The following XPNPEP2 variants were observed in gnomAD, a reference collection of about 807,000 sequenced individuals.
XPNPEP2 encodes xaa-Pro aminopeptidase 2.
In XPNPEP2, 64 loss-of-function variants were observed where a neutral mutation model predicts 59.8. The ratio of observed to expected loss-of-function variants is 1.07; its 90% confidence interval spans 0.87 to 1.32. The LOEUF (loss-of-function observed/expected upper bound fraction) is 1.32. Among genes scored for constraint, XPNPEP2 ranks in the 40% most tolerant of loss-of-function variants. The pLI is 0.00. For missense variants in XPNPEP2, 575 were observed against 546.8 expected (o/e 1.05, Z -0.51); for synonymous variants, 235 against 210.0 (o/e 1.12, Z -1.03).
At chrX:129,752,599 C>T (rs373601520) in intron 10 of XPNPEP2, among the ~76,000 whole-genome samples, 35 of 112,197 alleles carry the variant, frequency 3.1e-4, no homozygotes, top group African/African-American at 1.1e-3. Flanking sequence ...TTGGAGTCAG[C>T]CAAACTTGAA....
At chrX:129,762,201 C>T in intron 18 of XPNPEP2, 136 bp downstream of exon 18, 1 of 634,949 alleles carries the variant, frequency 1.6e-6, no homozygotes. Context: ...TCCCCATTCC[C>T]ACCGCTACGC....
intron 8 of XPNPEP2, among the ~76,000 whole-genome samples, chrX:129,751,113 C>CA (rs200860204): frequency 9.2e-5 from 8 of 87,316 alleles, no homozygotes; most frequent in South Asian, 8.0e-4. Flanking sequence ...CACCCCCCCC[C>CA]CCCGGCAAAA....
At chrX:129,755,480 A>G (rs1350740327) in intron 13 of XPNPEP2, 109 bp downstream of exon 13, 2 of 767,877 alleles carry the variant, frequency 2.6e-6, no homozygotes, top group Non-Finnish European at 3.9e-6. Context: ...TCCACGTTGA[A>G]GGTCCGAGGC....
At position 129,762,695 on chromosome X, in the gene XPNPEP2, A is replaced by C. The variant is rs772444447; in HGVS notation, c.1665A>C (p.Glu555Asp). The change falls in exon 19 of 21, where the codon GAA (glutamate) becomes GAC (aspartate). Residue 555 changes from glutamate to aspartate, a missense_variant and splice_region_variant. Transcript: ENST00000371106. The part of the protein sequence containing the change: ...AMAKGMFTSI[E>D]PGYYKDGEFG... Reference sequence around the variant, plus strand: ...CACCAGCATCTCTGTGTCTCCCAGAACCTGGTTACTATAAGGATGGAGAAT... The same window carrying C: ...CACCAGCATCTCTGTGTCTCCCAGACCCTGGTTACTATAAGGATGGAGAAT... The C allele has an allele frequency of 1.7e-6, 2 of 1,211,085 alleles. No homozygotes were observed. The highest frequency in any genetic ancestry group is 2.2e-6 in the Non-Finnish European group (2 of 894,837).
chrX:129,754,685 C>T, intron 12 of XPNPEP2, 104 bp downstream of exon 12: 1 of 775,124 alleles, frequency 1.3e-6, no homozygotes, highest in Non-Finnish European at 1.9e-6. Context: ...GAAGATCCTC[C>T]TCATATGCGT....
chrX:129,747,872 A>G, intron 7 of XPNPEP2, 119 bp downstream of exon 7: 2 of 1,046,186 alleles, frequency 1.9e-6, no homozygotes, highest in Non-Finnish European at 1.3e-6. Flanking sequence ...AAACCTTAGC[A>G]TGCACCTGAG....
At chrX:129,740,768 C>A (rs1374149642) in intron 1 of XPNPEP2, among the ~76,000 whole-genome samples, 1 of 110,146 alleles carries the variant, frequency 9.1e-6, no homozygotes, top group Non-Finnish European at 1.9e-5. Context: ...AGTGAAACCC[C>A]CATCTCTACT....
chrX:129,754,410 G>C, intron 11 of XPNPEP2, 62 bp from the exon 12 acceptor site: 1 of 1,035,001 alleles, frequency 9.7e-7, no homozygotes. Context: ...CATCATCTTG[G>C]AGCCTGTGGC....
intron 19 of XPNPEP2, among the ~76,000 whole-genome samples, chrX:129,766,398 G>A (rs921581495): frequency 9.0e-6 from 1 of 111,705 alleles, no homozygotes; most frequent in Non-Finnish European, 1.9e-5. Flanking sequence ...GTAGAGACGG[G>A]GTTTCACCAT....
intron 12 of XPNPEP2, 54 bp from the exon 13 acceptor site, chrX:129,755,240 C>A: frequency 8.9e-7 from 1 of 1,125,431 alleles, no homozygotes; most frequent in Non-Finnish European, 1.2e-6. Flanking sequence ...TATCCCGGGC[C>A]CAGCCTAGTC....
chrX:129,764,670 A>T (rs1926715752), intron 19 of XPNPEP2, among the ~76,000 whole-genome samples: 1 of 106,623 alleles, frequency 9.4e-6, no homozygotes, highest in Admixed American at 1.0e-4. Flanking sequence ...AAAAAAAAAA[A>T]ATACAAATCA....
chrX:129,761,963 G>C (rs1350911386), intron 17 of XPNPEP2, 43 bp from the exon 18 acceptor site: 1 of 1,188,065 alleles, frequency 8.4e-7, no homozygotes, highest in East Asian at 3.0e-5. Flanking sequence ...CCAAGCTGGT[G>C]AGTATAGGAG....
In XPNPEP2 at chrX:129,746,726, G is replaced by T. The variant is rs775788346; in HGVS notation, c.490+45G>T. 11 of 1,117,255 alleles carry T rather than the reference G, an allele frequency of 9.8e-6. No homozygotes were observed. In the Admixed American group the frequency reaches 2.4e-4, roughly 24 times the overall value. The allele number at this position is 1,117,255 out of a possible 1,213,427, so 92.1% of individuals were successfully genotyped here. On this transcript the variant is annotated intron_variant, in intron 6 of 20. Transcript: ENST00000371106. ...CCTGAATTTGTCCATGCTAACGAGG[G>T]TGACTCAGCTTCCCTAGGATATAAA...
In XPNPEP2 at chrX:129,768,415, C is replaced by A; in HGVS notation, c.1955C>A (p.Ala652Asp). 1 of 1,208,345 alleles carries A rather than the reference C, an allele frequency of 8.3e-7. No homozygotes were observed. The highest frequency in any genetic ancestry group is 1.1e-6 in the Non-Finnish European group (1 of 894,065). Residue 652 changes from alanine to aspartate, a missense_variant, in exon 21 of 21, where the codon GCC becomes GAC. Transcript: ENST00000371106. ...CACACAGAGCCCCTGGCCGCCAGGG[C>A]CCCAGACACCGCCTCCTGGGCCTCT... ...QQHTEPLAAR[A>D]PDTASWASVL...
intron 9 of XPNPEP2, among the ~76,000 whole-genome samples, 157 bp from the exon 10 acceptor site, chrX:129,751,991 CTT>C (rs903692737): frequency 5.4e-5 from 6 of 111,853 alleles, no homozygotes; most frequent in Non-Finnish European, 1.1e-4. Flanking sequence ...TTTCCTGACT[CTT>C]TAAACCTCTG....
intron 1 of XPNPEP2, among the ~76,000 whole-genome samples, chrX:129,741,140 A>G (rs1926171073): frequency 1.1e-5 from 1 of 91,354 alleles, no homozygotes; most frequent in Non-Finnish European, 2.1e-5. Flanking sequence ...GGCACACAGT[A>G]GGCGCTTAGG....
intron 19 of XPNPEP2, among the ~76,000 whole-genome samples, chrX:129,765,651 T>TA (rs1569477893): frequency 2.0e-5 from 2 of 98,426 alleles, no homozygotes; most frequent in South Asian, 4.9e-4. Flanking sequence ...TTTTTTTTTT[T>TA]TTTTTTGATG....
chrX:129,763,812 C>T, intron 19 of XPNPEP2, among the ~76,000 whole-genome samples: 1 of 111,411 alleles, frequency 9.0e-6, no homozygotes, highest in Non-Finnish European at 1.9e-5. Context: ...CCCTCTTATT[C>T]CCATAAACAA....
chrX:129,742,218 G>A (rs1265026653), intron 2 of XPNPEP2, 37 bp downstream of exon 2: 17 of 842,627 alleles, frequency 2.0e-5, no homozygotes, highest in African/African-American at 3.1e-5. Context: ...GGCCCCCCTG[G>A]CCCCACGCAC....
Sources: allele counts gnomAD v4.1 joint callset (sites outside exome capture counted in the v4.1 genomes callset), GRCh38; gene constraint gnomAD v4.1.1; transcripts MANE v1.5; gene names NCBI Gene and HGNC (gene_info 2026-07-23, HGNC 2026-07-21).